Variants in MIER1 observed in about 807,000 individuals in gnomAD.
The protein encoded by MIER1 is mesoderm induction early response protein 1.
A neutral mutation model predicts 75.7 loss-of-function variants in MIER1; 40 were observed. That is an observed-to-expected ratio of 0.53 (90% CI 0.41 to 0.69). The LOEUF (loss-of-function observed/expected upper bound fraction) is 0.69. Ranked by LOEUF, MIER1 falls within the 30% of genes least tolerant of loss-of-function variation. MIER1 has a pLI of 0.00. For synonymous variants in MIER1, 213 were observed against 223.4 expected, an observed-to-expected ratio of 0.95 and a Z score of 0.42; for missense variants, 574 against 680.2, an observed-to-expected ratio of 0.84 and a Z score of 1.74.
chr1:66,949,992 CAA>C (rs1480873049), intron 4 of MIER1, among the ~76,000 whole-genome samples: 2 of 152,050 alleles, frequency 1.3e-5, no homozygotes, highest in Admixed American at 1.3e-4. Context: ...TGGATTATGA[CAA>C]TATAAAAGAT....
intron 8 of MIER1, among the ~76,000 whole-genome samples, chr1:66,963,412 C>G (rs537447791): frequency 6.6e-6 from 1 of 152,100 alleles, no homozygotes; most frequent in Non-Finnish European, 1.5e-5. Context: ...AAGTGACTTA[C>G]AATGTCTCAA....
At chr1:66,972,174 T>G (rs1663742559) in intron 10 of MIER1, among the ~76,000 whole-genome samples, 1 of 149,078 alleles carries the variant, frequency 6.7e-6, no homozygotes, top group South Asian at 2.1e-4. Flanking sequence ...TTTTCTTTTT[T>G]ATACTATATC....
chr1:66,951,823 A>G (rs1191567416), intron 4 of MIER1, among the ~76,000 whole-genome samples: 2 of 152,132 alleles, frequency 1.3e-5, no homozygotes, highest in Non-Finnish European at 2.9e-5. Context: ...CTTATTTCAC[A>G]TTGTAACAGG....
At chr1:66,960,013 G>A (rs1427444046) in intron 7 of MIER1, 1 of 208,718 alleles carries the variant, frequency 4.8e-6, no homozygotes, top group Non-Finnish European at 9.5e-6. Context: ...GAGCCCAGGA[G>A]TTCGAGACCA....
At chr1:66,928,376 C>G (rs951499598) in intron 2 of MIER1, among the ~76,000 whole-genome samples, 1 of 152,132 alleles carries the variant, frequency 6.6e-6, no homozygotes, top group Non-Finnish European at 1.5e-5. Context: ...ACTGAAGAAT[C>G]AAAGATTCAG....
chr1:66,933,111 TATC>T (rs1315044964), intron 2 of MIER1, among the ~76,000 whole-genome samples: 1 of 152,182 alleles, frequency 6.6e-6, no homozygotes, highest in East Asian at 1.9e-4. Context: ...CATTGCTTAT[TATC>T]CCTTAAAATT....
At chr1:66,976,768 G>A (rs1489662605) in intron 12 of MIER1, 46 bp downstream of exon 12, 1 of 1,429,520 alleles carries the variant, frequency 7.0e-7, no homozygotes, top group East Asian at 2.5e-5. Context: ...TTTTTGCTAA[G>A]CTTTTCTAGA....
At position 66,959,732 on chromosome 1, in the gene MIER1, G is replaced by C; in HGVS notation, c.688G>C (p.Asp230His). Residue 230 changes from aspartate (D) to histidine (H), a missense_variant, in exon 7 of 14, where the codon GAC (aspartate) becomes CAC (histidine). This residue lies in a region of MIER1 where 309 missense variants were observed against 352.8 expected (regional missense o/e 0.88). Coordinates refer to ENST00000401041, the MANE Select transcript of MIER1 (RefSeq NM_001077700.3). ...AGATGAAGATTATATTCCATCAGAA[G>C]ACTGGAAAAAGGTAGTTAGAACAAT... ...EEDEDYIPSE[D>H]WKKEIMVGSM... 7.1e-7 allele frequency: 1 copy of C among 1,417,448 alleles called. No homozygotes were observed. The highest frequency in any genetic ancestry group is 9.4e-7 in the Non-Finnish European group (1 of 1,059,884). The allele number at this position is 1,417,448 out of a possible 1,614,324, so 87.8% of individuals were successfully genotyped here. A position where few individuals can be genotyped will look rare whatever the true frequency, so the allele number is the denominator to read the frequency against.
chr1:66,977,630 T>C lies in MIER1; in HGVS notation c.1229+908T>C, dbSNP rs147282093. ...AAGAGAATTTATTGTCTACACCTCA[T>C]TCAGTCTAGCTTTGGAGTGAAACAT... On this transcript the variant is annotated intron_variant, in intron 12 of 13. Coordinates refer to ENST00000401041, the MANE Select transcript of MIER1 (RefSeq NM_001077700.3). Among the ~76,000 whole-genome samples, 539 of 152,304 alleles carry C rather than the reference T, an allele frequency of 3.5e-3. 2 individuals carry two copies. The highest frequency in any genetic ancestry group is 0.012 in the African/African-American group (515 of 41,566).
intron 7 of MIER1, among the ~76,000 whole-genome samples, 200 bp from the exon 8 acceptor site, chr1:66,962,888 C>T (rs1661543682): frequency 6.6e-6 from 1 of 151,962 alleles, no homozygotes; most frequent in Non-Finnish European, 1.5e-5. Flanking sequence ...TGCATTTCAC[C>T]TCAGTATTAT....
chr1:66,980,136 C>T (rs1665595287), intron 12 of MIER1, among the ~76,000 whole-genome samples: 1 of 152,348 alleles, frequency 6.6e-6, no homozygotes, highest in South Asian at 2.1e-4. Flanking sequence ...AATTCCTCAT[C>T]ATGTGTCTTC....
At chr1:66,971,071 A>G (rs958666718) in intron 9 of MIER1, 112 bp downstream of exon 9, 3 of 914,096 alleles carry the variant, frequency 3.3e-6, no homozygotes, top group Non-Finnish European at 4.8e-6. Flanking sequence ...CATTATTGAC[A>G]GGGAATCTGA....
chr1:66,955,040 C>A (rs1246890022), intron 4 of MIER1, among the ~76,000 whole-genome samples: 2 of 152,054 alleles, frequency 1.3e-5, no homozygotes, highest in Non-Finnish European at 2.9e-5. Context: ...GTGAGTCACA[C>A]TTCTTATCTG....
intron 12 of MIER1, among the ~76,000 whole-genome samples, chr1:66,978,516 AT>A (rs959879997): frequency 5.3e-5 from 8 of 152,132 alleles, no homozygotes; most frequent in South Asian, 4.1e-4. Context: ...TTTATAGTTA[AT>A]TTTTTTTCCA....
chr1:66,943,128 A>G (rs1368206389), intron 3 of MIER1, among the ~76,000 whole-genome samples: 4 of 152,202 alleles, frequency 2.6e-5, no homozygotes, highest in Admixed American at 1.3e-4. Context: ...GTAGGGATAC[A>G]TGATTACTGA....
intron 3 of MIER1, among the ~76,000 whole-genome samples, chr1:66,944,620 C>G (rs915285986): frequency 6.6e-6 from 1 of 151,952 alleles, no homozygotes; most frequent in African/African-American, 2.4e-5. Flanking sequence ...TAGGAGTTCT[C>G]TATGCAGTTT....
chr1:66,982,191 T>A (rs1447442228), intron 13 of MIER1, among the ~76,000 whole-genome samples: 1 of 152,218 alleles, frequency 6.6e-6, no homozygotes, highest in Non-Finnish European at 1.5e-5. Flanking sequence ...TCTTTTCCTG[T>A]CTTGTCTAGT....
chr1:66,976,421 AATAG>A (rs1664741749), intron 11 of MIER1, among the ~76,000 whole-genome samples, 170 bp from the exon 12 acceptor site: 1 of 152,196 alleles, frequency 6.6e-6, no homozygotes, highest in South Asian at 2.1e-4. Context: ...TATTTCTCTT[AATAG>A]ATGTTTAGAA....
In MIER1 at chr1:66,952,918, T is replaced by A. The variant is rs921189609; in HGVS notation, c.340-5141T>A. On this transcript the variant is annotated intron_variant, in intron 4 of 13. Coordinates refer to ENST00000401041, the MANE Select transcript of MIER1 (RefSeq NM_001077700.3). ...CCTTGGCCTCCCAAAGTGCTAAGATTACAGGCGTGAGCCGTGTCCCACCTG... is the reference window on the plus strand; with the variant it reads ...CCTTGGCCTCCCAAAGTGCTAAGATAACAGGCGTGAGCCGTGTCCCACCTG... Among the ~76,000 whole-genome samples the A allele has an allele frequency of 3.3e-5, 5 of 152,220 alleles. No homozygotes were observed. In the South Asian group the frequency reaches 8.3e-4, roughly 25 times the overall value.
Sources: allele counts gnomAD v4.1 joint callset (sites outside exome capture counted in the v4.1 genomes callset), GRCh38; gene constraint gnomAD v4.1.1; regional missense constraint gnomAD v4.1.1; transcripts MANE v1.5; gene names NCBI Gene and HGNC (gene_info 2026-07-23, HGNC 2026-07-21).